The following PRSS56 variants were observed in gnomAD, a reference collection of about 807,000 sequenced individuals.
PRSS56 encodes the protein serine protease 56.
A neutral mutation model predicts 66.8 loss-of-function variants in PRSS56; 55 were observed. The ratio of observed to expected loss-of-function variants is 0.82; its 90% confidence interval spans 0.66 to 1.03. The LOEUF (loss-of-function observed/expected upper bound fraction) is 1.03, where lower values mean the gene tolerates loss of function less well. Ranked by LOEUF, PRSS56 falls within the 50% of genes least tolerant of loss-of-function variation. The pLI is 0.00. For synonymous variants in PRSS56, 409 were observed against 387.9 expected, an observed-to-expected ratio of 1.05 and a Z score of -0.64; for missense variants, 869 against 837.2, an observed-to-expected ratio of 1.04 and a Z score of -0.47.
At position 232,523,893 on chromosome 2, in the gene PRSS56, CGCCTGTGCGCGCCTGGCGCACCAGCAGT is replaced by C; in HGVS notation, c.1140_1167del (p.Ala381SerfsTer114). On this transcript the variant is annotated frameshift_variant, in exon 9 of 13. Transcript: ENST00000617714. LOFTEE classifies it high-confidence loss of function. ...CCCGCCTGTGCCCGGGGTCCCAGGG[CGCCTGTGCGCGCCTGGCGCACCAGCAGT>C]GCCTGCAGCGCCGGCGGCGATGCGG... 1 of 1,520,844 alleles carries C rather than the reference CGCCTGTGCGCGCCTGGCGCACCAGCAGT, an allele frequency of 6.6e-7. No individual in the cohort carries two copies. Among genetic ancestry groups the C allele is most frequent in the Non-Finnish European group, 8.8e-7 (1 of 1,139,438 alleles). 94.2% of individuals were successfully genotyped at this position (1,520,844 alleles called of 1,614,324 possible).
At position 232,525,247 on chromosome 2, in the gene PRSS56, C is replaced by G. The variant is rs1212445878; in HGVS notation, c.1553C>G (p.Thr518Ser). The G allele has an allele frequency of 6.6e-7, 1 of 1,512,712 alleles. No individual in the cohort carries two copies. The highest frequency in any genetic ancestry group is 1.2e-5 in the South Asian group (1 of 81,140). 93.7% of individuals were successfully genotyped at this position (1,512,712 alleles called of 1,614,324 possible). ...GCAGATCTGGGCTCCAAGACACTGA[C>G]CGGGCTTTTCAGAGCCTGGGTGCGG... ...VLADLGSKTL[T>S]GLFRAWVRAG... The change falls in exon 13 of 13, where the codon ACC becomes AGC. Residue 518 changes from threonine to serine, a missense_variant. By Grantham distance (58) the Thr-to-Ser change is moderately conservative. This residue lies in a region of PRSS56 where 551 missense variants were observed against 506.9 expected (regional missense o/e 1.09). Coordinates refer to ENST00000617714, the MANE Select transcript of PRSS56 (RefSeq NM_001195129.2).
Position 232,522,567 on chromosome 2 carries a change from G to C in PRSS56, c.499G>C (p.Glu167Gln). The stretch of plus-strand genomic sequence containing the variant: ...GACGCTGGCAGAGGGGTCCCGGGGG[G>C]AGCAAGCGGAGGAGGTGCCAGTGAA... ...TVTLAEGSRG[E>Q]QAEEVPVNRI... The change falls in exon 5 of 13, where the codon GAG (glutamate) becomes CAG (glutamine). Residue 167 changes from glutamate (E) to glutamine (Q), a missense_variant. Glu to Gln is a conservative substitution (Grantham distance 29). Transcript: ENST00000617714. 6.5e-7 allele frequency: 1 copy of C among 1,535,352 alleles called. No homozygotes were observed. Among genetic ancestry groups the C allele is most frequent in the Non-Finnish European group, 8.7e-7 (1 of 1,146,594 alleles).
At position 232,521,884 on chromosome 2, in the gene PRSS56, C is replaced by A. The variant is rs774920645; in HGVS notation, c.256+18C>A. 1.1e-5 allele frequency: 17 copies of A among 1,534,786 alleles called. No individual in the cohort carries two copies. Among genetic ancestry groups the A allele is most frequent in the Non-Finnish European group, 1.5e-5 (17 of 1,146,096 alleles). On this transcript the variant is annotated intron_variant, in intron 3 of 12. Transcript: ENST00000617714. Reference sequence around the variant, plus strand: ...TGAGCCAGGTGAGGTTGAAAAGGCTCGAGGGGGCAGGCCTGAGAGCCGGGT... The same window carrying A: ...TGAGCCAGGTGAGGTTGAAAAGGCTAGAGGGGGCAGGCCTGAGAGCCGGGT...
Position 232,525,626 on chromosome 2 carries a change from G to T in PRSS56, c.*120G>T. Reference sequence around the variant, plus strand: ...TGGCTGGGTGTGTGTGGGTGGGATGGGGTGGGGGTCCTGGGCCCCCCGTGT... The same window carrying T: ...TGGCTGGGTGTGTGTGGGTGGGATGTGGTGGGGGTCCTGGGCCCCCCGTGT... On this transcript the variant is annotated 3_prime_UTR_variant, in exon 13 of 13. Coordinates refer to ENST00000617714, the MANE Select transcript of PRSS56 (RefSeq NM_001195129.2). The T allele has an allele frequency of 1.5e-6, 1 of 648,220 alleles. No homozygotes were observed. The allele number at this position is 648,220 out of a possible 1,614,324, so 40.2% of individuals were successfully genotyped here. A position where few individuals can be genotyped will look rare whatever the true frequency, so the allele number is the denominator to read the frequency against.
rs575197056 is a variant in PRSS56 at position 232,524,990 on chromosome 2, C to T, written c.1521+146C>T. ...CAGCTCTGGGGGTAGGTAGAGGGTC[C>T]GAGGGGAAGGGAGTGGGGCCTGCGG... On this transcript the variant is annotated intron_variant, in intron 12 of 12. Transcript: ENST00000617714. 1.1e-4 allele frequency: 72 copies of T among 641,930 alleles called. 1 individual carries two copies. The Middle Eastern group carries it at 1.3e-3, about 12-fold the overall frequency. The allele number at this position is 641,930 out of a possible 1,614,324, so 39.8% of individuals were successfully genotyped here. A position where few individuals can be genotyped will look rare whatever the true frequency, so the allele number is the denominator to read the frequency against.
In PRSS56 at chr2:232,523,965, A is replaced by G. The variant is rs981278205; in HGVS notation, c.1186+20A>G. ...GATGCGGTCAGTTCTGTTCACCCGG[A>G]CCCGGACGGGGGGCAGAGGGGAGGG... On this transcript the variant is annotated intron_variant, in intron 9 of 12. Coordinates refer to ENST00000617714, the MANE Select transcript of PRSS56 (RefSeq NM_001195129.2). 4.0e-6 allele frequency: 6 copies of G among 1,515,270 alleles called. No homozygotes were observed. The highest frequency in any genetic ancestry group is 5.3e-6 in the Non-Finnish European group (6 of 1,138,386). The allele number at this position is 1,515,270 out of a possible 1,614,324, so 93.9% of individuals were successfully genotyped here.
rs1160056048 is a variant in PRSS56, at chr2:232,525,271, G to T, written c.1577G>T (p.Arg526Leu). The part of the protein sequence containing the change: ...TLTGLFRAWV[R>L]AGLGGRHVAF... The stretch of plus-strand genomic sequence containing the variant: ...ACCGGGCTTTTCAGAGCCTGGGTGC[G>T]GGCAGGCTTGGGGGGCCGGCATGTG... Residue 526 changes from arginine to leucine, a missense_variant, in exon 13 of 13, where the codon CGG (arginine) becomes CTG (leucine). Coordinates refer to ENST00000617714, the MANE Select transcript of PRSS56 (RefSeq NM_001195129.2). 6.6e-7 allele frequency: 1 copy of T among 1,519,324 alleles called. No homozygotes were observed. Among genetic ancestry groups the T allele is most frequent in the Non-Finnish European group, 8.8e-7 (1 of 1,136,978 alleles). 94.1% of individuals were successfully genotyped at this position (1,519,324 alleles called of 1,614,324 possible).
chr2:232,523,605 TC>T, intron 8 of PRSS56, 27 bp downstream of exon 8: 1 of 1,506,700 alleles, frequency 6.6e-7, no homozygotes, highest in Non-Finnish European at 8.8e-7. Flanking sequence ...CAATGCCCCG[TC>T]CCCAGTGCCC....
In PRSS56 at chr2:232,521,344, G is replaced by C; in HGVS notation, c.121G>C (p.Ala41Pro). ...LQVLSAQGTQ[A>P]LQAAQRSAQW... is the part of the protein sequence containing the mutation. ...AGTTCTGTCGGCCCAGGGGACTCAG[G>C]CGTTGCAGGCAGCCCAGAGGAGCGC... The change falls in exon 2 of 13, where the codon GCG (alanine) becomes CCG (proline). Residue 41 changes from alanine to proline, a missense_variant. By Grantham distance (27) the Ala-to-Pro change is conservative. Around this residue, in one of 3 missense-constraint regions of PRSS56, gnomAD observed 315 missense variants for 313.7 expected, o/e 1.00. Transcript: ENST00000617714. 1 of 1,536,136 alleles carries C rather than the reference G, an allele frequency of 6.5e-7. No individual in the cohort carries two copies. The highest frequency in any genetic ancestry group is 8.7e-7 in the Non-Finnish European group (1 of 1,146,894).
intron 12 of PRSS56, 68 bp downstream of exon 12, chr2:232,524,912 T>G (rs534159200): frequency 7.8e-7 from 1 of 1,289,530 alleles, no homozygotes; most frequent in East Asian, 2.6e-5. Flanking sequence ...CCAGGGAAGA[T>G]GCAGAGGGCC....
Position 232,521,872 on chromosome 2 carries a change from G to A in PRSS56, c.256+6G>A. 3 of 1,535,640 alleles carry A rather than the reference G, an allele frequency of 2.0e-6. No individual in the cohort carries two copies. Among genetic ancestry groups the A allele is most frequent in the South Asian group, 1.2e-5 (1 of 84,038 alleles). On this transcript the variant is annotated splice_donor_region_variant and intron_variant, in intron 3 of 12. Transcript: ENST00000617714. The stretch of plus-strand genomic sequence containing the variant: ...CCAGGACCCACCTGAGCCAGGTGAG[G>A]TTGAAAAGGCTCGAGGGGGCAGGCC...
chr2:232,522,158 A>G lies in PRSS56; in HGVS notation c.444A>G (p.Val148=). 1 of 1,497,430 alleles carries G rather than the reference A, an allele frequency of 6.7e-7. No homozygotes were observed. Among genetic ancestry groups the G allele is most frequent in the East Asian group, 2.7e-5 (1 of 36,764 alleles). 92.8% of individuals were successfully genotyped at this position (1,497,430 alleles called of 1,614,324 possible). A position where few individuals can be genotyped will look rare whatever the true frequency, so the allele number is the denominator to read the frequency against. ...SWVLTAAHCF[V]GAPNELLWTV... ...TGCTCACGGCAGCGCACTGCTTTGT[A>G]GGGTAAGTAGGACCCCCAGGCCTTG... The change falls in exon 4 of 13, where the codon GTA becomes GTG. Residue 148 remains valine (V), a splice_region_variant and synonymous_variant. Coordinates refer to ENST00000617714, the MANE Select transcript of PRSS56 (RefSeq NM_001195129.2).
chr2:232,522,612 A>G lies in PRSS56; in HGVS notation c.544A>G (p.Lys182Glu), dbSNP rs759381572. The change falls in exon 5 of 13, where the codon AAG (lysine) becomes GAG (glutamate). Residue 182 changes from lysine to glutamate, a missense_variant and splice_region_variant. Physicochemically the swap from Lys to Glu is moderately conservative, Grantham distance 56. Around this residue, in one of 3 missense-constraint regions of PRSS56, gnomAD observed 315 missense variants for 313.7 expected, o/e 1.00. Transcript: ENST00000617714. ...AGTGAACCGCATCCTGCCCCACCCC[A>G]AGGTGAGAAGGCAGTCCCCAGGCCC... is the stretch of plus-strand genomic sequence containing the variant. ...VPVNRILPHPKFDPRTFHNDL... is the reference protein window; with the variant it reads ...VPVNRILPHPEFDPRTFHNDL... 2.9e-5 allele frequency: 44 copies of G among 1,534,186 alleles called. No individual in the cohort carries two copies. The African/African-American group carries it at 5.2e-4, about 18-fold the overall frequency.
chr2:232,522,509 C>G lies in PRSS56; in HGVS notation c.447-6C>G, dbSNP rs1163905251. 7 of 1,527,554 alleles carry G rather than the reference C, an allele frequency of 4.6e-6. No homozygotes were observed. The highest frequency in any genetic ancestry group is 5.3e-6 in the Non-Finnish European group (6 of 1,142,328). The allele number at this position is 1,527,554 out of a possible 1,614,324, so 94.6% of individuals were successfully genotyped here. ...TCCTGCGTCTCAGCTGCCGCTCGAC[C>G]CGCAGCGCCCCGAATGAGCTTCTGT... On this transcript the variant is annotated splice_polypyrimidine_tract_variant and splice_region_variant and intron_variant, in intron 4 of 12. Transcript: ENST00000617714.
chr2:232,522,310 GCGCCCGCCCCGCCAGGATGCCAGCC>G, intron 4 of PRSS56, 150 bp downstream of exon 4: 1 of 894,250 alleles, frequency 1.1e-6, no homozygotes, highest in Non-Finnish European at 1.5e-6. Context: ...TCAAGGCGCC[GCGCCCGCCCCGCCAGGATGCCAGCC>G]CGGAGGGGGT....
Position 232,520,520 on chromosome 2 carries a change from C to A in PRSS56, c.-79C>A. ...GGGCCGAAAGGCAGCAGAAGGCGGGCACCAAAGGATAGGCACCCGGAAGGT... is the reference window on the plus strand; with the variant it reads ...GGGCCGAAAGGCAGCAGAAGGCGGGAACCAAAGGATAGGCACCCGGAAGGT... On this transcript the variant is annotated 5_prime_UTR_variant, in exon 1 of 13. Coordinates refer to ENST00000617714, the MANE Select transcript of PRSS56 (RefSeq NM_001195129.2). The A allele has an allele frequency of 8.7e-7, 1 of 1,151,172 alleles. No individual in the cohort carries two copies. Among genetic ancestry groups the A allele is most frequent in the Non-Finnish European group, 1.3e-6 (1 of 795,878 alleles). 71.3% of individuals were successfully genotyped at this position (1,151,172 alleles called of 1,614,324 possible).
intron 10 of PRSS56, 38 bp from the exon 11 acceptor site, chr2:232,524,269 C>T: frequency 6.5e-7 from 1 of 1,535,396 alleles, no homozygotes; most frequent in Non-Finnish European, 8.7e-7. Context: ...CAGCCACTTT[C>T]TCCGCCGAGG....
Position 232,520,485 on chromosome 2 carries a change from C to A in PRSS56, c.-114C>A. 1.2e-6 allele frequency: 1 copy of A among 810,806 alleles called. No individual in the cohort carries two copies. Among genetic ancestry groups the A allele is most frequent in the Middle Eastern group, 2.3e-4 (1 of 4,362 alleles). The allele number at this position is 810,806 out of a possible 1,614,324, so 50.2% of individuals were successfully genotyped here. ...TCAGATGATTTGAGGGACAAGAATT[C>A]AGTGCCCGGGGGCCGAAAGGCAGCA... is the stretch of plus-strand genomic sequence containing the variant. On this transcript the variant is annotated 5_prime_UTR_variant, in exon 1 of 13. Coordinates refer to ENST00000617714, the MANE Select transcript of PRSS56 (RefSeq NM_001195129.2).
intron 8 of PRSS56, 52 bp from the exon 9 acceptor site, chr2:232,523,720 G>A (rs1278489108): frequency 1.4e-5 from 22 of 1,531,998 alleles, no homozygotes; most frequent in Non-Finnish European, 1.8e-5. Flanking sequence ...AGGAGTGAGG[G>A]GGCTAGGGCC....
Sources: gnomAD v4.1 joint callset for allele counts on GRCh38, gnomAD v4.1.1 for gene constraint, gnomAD v4.1.1 regional missense constraint, MANE v1.5 for transcripts, NCBI Gene and HGNC (gene_info 2026-07-23, HGNC 2026-07-21) for gene names.